Variants in SNAP47 observed in about 807,000 individuals in gnomAD.
SNAP47 encodes synaptosome associated protein 47.
SNAP47 carries 20 observed loss-of-function variants against 31.4 expected under a neutral mutation model. The ratio of observed to expected loss-of-function variants is 0.64; its 90% confidence interval spans 0.45 to 0.93. SNAP47 has a LOEUF of 0.93. Among genes scored for constraint, SNAP47 ranks in the 40% least tolerant of loss-of-function variants. The probability of loss-of-function intolerance (pLI) is 0.00; values close to 1 mark genes in which losing one functional copy is unlikely to be tolerated. For synonymous variants in SNAP47, 194 were observed against 213.4 expected (o/e 0.91, Z 0.79); for missense variants, 492 against 528.5 (o/e 0.93, Z 0.68).
At chr1:227,754,260 A>G (rs1662556834) in intron 2 of SNAP47, among the ~76,000 whole-genome samples, 1 of 152,108 alleles carries the variant, frequency 6.6e-6, no homozygotes, top group Admixed American at 6.5e-5. Flanking sequence ...ATTCCTCTTG[A>G]CATCCAGCTG....
intron 2 of SNAP47, 68 bp from the exon 3 acceptor site, chr1:227,758,927 C>CAA (rs201752039): frequency 1.4e-6 from 2 of 1,480,508 alleles, no homozygotes; most frequent in African/African-American, 1.4e-5. Flanking sequence ...AACCGTTTTC[C>CAA]AAAAAAAAAG....
chr1:227,773,648 T>C lies in SNAP47; in HGVS notation c.1113+6565T>C, dbSNP rs192539190. ...TCTACACTGCGTGCCATTTCGTATC[T>C]TTATGCTGCACATTTACGGCACCTT... is the stretch of plus-strand genomic sequence containing the variant. On this transcript the variant is annotated intron_variant, in intron 4 of 4. Coordinates refer to ENST00000617596, the MANE Select transcript of SNAP47 (RefSeq NM_053052.4). Among the ~76,000 whole-genome samples the C allele has an allele frequency of 1.6e-4, 25 of 152,362 alleles. No homozygotes were observed. The East Asian group carries it at 2.9e-3, about 18-fold the overall frequency.
At chr1:227,735,226 C>A, upstream of SNAP47, 1 of 1,596,280 alleles carries the variant, frequency 6.3e-7, no homozygotes, top group Non-Finnish European at 8.5e-7. Flanking sequence ...CATCGACCCC[C>A]AGGCCTCGGA....
upstream of SNAP47, chr1:227,734,724 A>T (rs1660950582): frequency 6.2e-7 from 1 of 1,614,136 alleles, no homozygotes; most frequent in Non-Finnish European, 8.5e-7. Context: ...TACTCTTTCC[A>T]GTAGGTGATG....
At chr1:227,729,506 T>C (rs1339189618) in intron 1 of SNAP47, among the ~76,000 whole-genome samples, 1 of 152,176 alleles carries the variant, frequency 6.6e-6, no homozygotes, top group Non-Finnish European at 1.5e-5. Flanking sequence ...GTTGACACTC[T>C]GGAGCATGGA....
chr1:227,737,903 G>GT (rs909271499), intron 1 of SNAP47, among the ~76,000 whole-genome samples: 3 of 151,960 alleles, frequency 2.0e-5, no homozygotes, highest in Admixed American at 6.6e-5. Context: ...GTTTATTGGG[G>GT]TTTTTTTTAC....
chr1:227,746,392 T>C (rs1396551704), intron 1 of SNAP47: 2 of 152,254 alleles, frequency 1.3e-5, no homozygotes, highest in Non-Finnish European at 2.9e-5. Context: ...TGACGACATA[T>C]TGTGCGTTCT....
rs748998839 is a variant in SNAP47, at chr1:227,748,184, G to A, written c.448G>A (p.Val150Ile). The change falls in exon 2 of 5, where the codon GTC becomes ATC. Residue 150 changes from valine to isoleucine, a missense_variant. By Grantham distance (29) the Val-to-Ile change is conservative. Transcript: ENST00000617596. ...LHHQGQQLDS[V>I]MRGLDKMESD... ...CCACCAGGGCCAGCAGCTGGACAGC[G>A]TCATGAGAGGCCTGGACAAGATGGA... 5.0e-6 allele frequency: 8 copies of A among 1,609,558 alleles called. No individual in the cohort carries two copies. In the South Asian group the frequency reaches 5.5e-5, roughly 11 times the overall value.
At chr1:227,735,779 CGGAGATGGTAGGGTCCTGGA>C (rs1661095205) in intron 1 of SNAP47, 3 of 934,420 alleles carry the variant, frequency 3.2e-6, no homozygotes, top group African/African-American at 1.8e-5. Flanking sequence ...TGGGATCTAG[CGGAGATGGTAGGGTCCTGGA>C]GGAGATGGTG....
intron 2 of SNAP47, among the ~76,000 whole-genome samples, chr1:227,749,179 A>C (rs1662178592): frequency 1.3e-5 from 2 of 152,058 alleles, no homozygotes; most frequent in Admixed American, 6.5e-5. Context: ...TGGGTTTTCA[A>C]GGTGCTTGTT....
rs775507263 is a variant in SNAP47 at position 227,740,960 on chromosome 1, G to A, written c.-46+5461G>A. On this transcript the variant is annotated intron_variant, in intron 1 of 4. Transcript: ENST00000617596. ...GGGGGCAGATGCCCAGCGGGTGACA[G>A]GAGGGGCTGTGAAATTGGGGTGCCT... Among the ~76,000 whole-genome samples, 50 of 147,992 alleles carry A rather than the reference G, an allele frequency of 3.4e-4. 1 individual carries two copies. The highest frequency in any genetic ancestry group is 1.2e-3 in the African/African-American group (47 of 37,926).
chr1:227,734,787 C>T (rs1360923568), upstream of SNAP47: 1 of 1,614,062 alleles, frequency 6.2e-7, no homozygotes, highest in Admixed American at 1.7e-5. Context: ...TCCTGGACCC[C>T]ACAGTTTGCA....
chr1:227,779,452 A>C (rs1386514369), intron 4 of SNAP47, among the ~76,000 whole-genome samples: 1 of 152,124 alleles, frequency 6.6e-6, no homozygotes, highest in Non-Finnish European at 1.5e-5. Context: ...AGGCAACCAG[A>C]GGAGCTGTAG....
At chr1:227,734,352 TAA>T (rs56684758), upstream of SNAP47, 3,607 of 77,244 alleles carry the variant, frequency 0.047, 31 homozygotes, top group South Asian at 0.099. Flanking sequence ...CTAGTCTCTT[TAA>T]AAAAAAAAAA....
At chr1:227,751,720 T>C (rs1285622430) in intron 2 of SNAP47, among the ~76,000 whole-genome samples, 2 of 138,600 alleles carry the variant, frequency 1.4e-5, no homozygotes, top group East Asian at 2.2e-4. Flanking sequence ...TGCGAAGGAA[T>C]GGGGCCAATT....
At chr1:227,740,466 G>A (rs1446422596) in intron 1 of SNAP47, among the ~76,000 whole-genome samples, 1 of 152,176 alleles carries the variant, frequency 6.6e-6, no homozygotes, top group Admixed American at 6.5e-5. Context: ...GGTGTGGAGG[G>A]AGGGAGGACT....
At chr1:227,776,446 G>A (rs537575809) in intron 4 of SNAP47, 10 of 986,060 alleles carry the variant, frequency 1.0e-5, no homozygotes, top group Admixed American at 1.2e-4. Flanking sequence ...GGGACTCAAG[G>A]AAGTCTGATT....
intron 4 of SNAP47, among the ~76,000 whole-genome samples, chr1:227,775,250 T>G (rs1376639542): frequency 1.3e-5 from 2 of 152,212 alleles, no homozygotes; most frequent in Non-Finnish European, 2.9e-5. Context: ...TTTTCCCCCT[T>G]TACATTCTCT....
Position 227,766,989 on chromosome 1 carries a change from G to T in SNAP47, c.1019G>T (p.Arg340Leu). 6.2e-7 allele frequency: 1 copy of T among 1,613,890 alleles called. No individual in the cohort carries two copies. Among genetic ancestry groups the T allele is most frequent in the Non-Finnish European group, 8.5e-7 (1 of 1,180,028 alleles). Residue 340 changes from arginine to leucine, a missense_variant, in exon 4 of 5, where the codon CGT becomes CTT. Transcript: ENST00000617596. ...GGGCTGATGGGCCGTACCCTGCACCGTGAGCCACCCGCAGGAGACCAGGAG... is the reference window on the plus strand; with the variant it reads ...GGGCTGATGGGCCGTACCCTGCACCTTGAGCCACCCGCAGGAGACCAGGAG... ...ASGLMGRTLH[R>L]EPPAGDQEGT...
Sources: gnomAD v4.1 joint callset for allele counts (sites outside exome capture counted in the v4.1 genomes callset) on GRCh38, gnomAD v4.1.1 for gene constraint, MANE v1.5 for transcripts, NCBI Gene and HGNC (gene_info 2026-07-23, HGNC 2026-07-21) for gene names.